Variants in AUTS2 observed in about 807,000 individuals in gnomAD.
AUTS2 encodes the protein activator of transcription and developmental regulator AUTS2.
A neutral mutation model predicts 112.4 loss-of-function variants in AUTS2; 17 were observed. The ratio of observed to expected loss-of-function variants is 0.15; its 90% CI spans 0.10 to 0.23. AUTS2 has a LOEUF of 0.23. AUTS2 is among the 10% of genes least tolerant of loss of function. The pLI, the probability that AUTS2 is intolerant of heterozygous loss-of-function variation, is 1.00. For missense variants in AUTS2, 1,510 were observed against 1,701.6 expected (o/e 0.89, Z 1.98); for synonymous variants, 751 against 702.7 (o/e 1.07, Z -1.09).
intron 2 of AUTS2, among the ~76,000 whole-genome samples, chr7:70,089,117 A>AT (rs1803773728): frequency 6.6e-6 from 1 of 152,098 alleles, no homozygotes; most frequent in South Asian, 2.1e-4. Flanking sequence ...GCATAATAGT[A>AT]TTTTTTAAGT....
intron 5 of AUTS2, among the ~76,000 whole-genome samples, chr7:70,665,933 A>G (rs1309071405): frequency 6.6e-6 from 1 of 152,232 alleles, no homozygotes; most frequent in African/African-American, 2.4e-5. Context: ...CAACATTACC[A>G]GCTTTCCCAG....
At chr7:70,659,793 A>C (rs942973502) in intron 5 of AUTS2, among the ~76,000 whole-genome samples, 2 of 152,056 alleles carry the variant, frequency 1.3e-5, no homozygotes, top group African/African-American at 4.8e-5. Flanking sequence ...CAGTACTGTG[A>C]AGGGAAAATA....
intron 1 of AUTS2, among the ~76,000 whole-genome samples, chr7:69,808,023 GCAGTTCTCCTACCT>G (rs1221414385): frequency 1.4e-5 from 2 of 146,624 alleles, no homozygotes; most frequent in Admixed American, 7.2e-5. Context: ...CCAGGTTCAA[GCAGTTCTCCTACCT>G]CAGCCTCCGG....
chr7:70,283,311 C>T (rs530799934), intron 4 of AUTS2, among the ~76,000 whole-genome samples: 2 of 152,224 alleles, frequency 1.3e-5, no homozygotes, highest in East Asian at 1.9e-4. Context: ...CTTCTCTGCA[C>T]CATTAAAAGA....
intron 1 of AUTS2, among the ~76,000 whole-genome samples, chr7:69,896,197 A>G (rs1179609409): frequency 6.6e-6 from 1 of 152,210 alleles, no homozygotes; most frequent in African/African-American, 2.4e-5. Flanking sequence ...ACACTGGACA[A>G]AGGAATTCAA....
intron 4 of AUTS2, among the ~76,000 whole-genome samples, chr7:70,192,666 C>T (rs945662955): frequency 7.9e-5 from 12 of 152,142 alleles, no homozygotes; most frequent in Admixed American, 7.9e-4. Flanking sequence ...TGTGTAAACT[C>T]TCACTTTCTC....
At chr7:70,391,303 C>G (rs1306536460) in intron 4 of AUTS2, among the ~76,000 whole-genome samples, 1 of 152,140 alleles carries the variant, frequency 6.6e-6, no homozygotes, top group African/African-American at 2.4e-5. Flanking sequence ...AATATTGAGG[C>G]CATTTCTTTG....
At chr7:70,326,309 C>G (rs1179137468) in intron 4 of AUTS2, among the ~76,000 whole-genome samples, 1 of 152,208 alleles carries the variant, frequency 6.6e-6, no homozygotes, top group Non-Finnish European at 1.5e-5. Flanking sequence ...CTCCACTTCT[C>G]CCAAGGCAGC....
At chr7:69,647,027 G>C (rs373510565) in intron 1 of AUTS2, among the ~76,000 whole-genome samples, 1 of 152,328 alleles carries the variant, frequency 6.6e-6, no homozygotes, top group Non-Finnish European at 1.5e-5. Context: ...GGCGGAGCTT[G>C]CAGTGAGCCG....
At chr7:69,628,621 T>C (rs533011204) in intron 1 of AUTS2, among the ~76,000 whole-genome samples, 2 of 152,190 alleles carry the variant, frequency 1.3e-5, no homozygotes, top group South Asian at 4.2e-4. Context: ...GAAACTTACA[T>C]GGTGAAAGTT....
intron 1 of AUTS2, among the ~76,000 whole-genome samples, chr7:69,614,733 C>T (rs1793273151): frequency 6.6e-6 from 1 of 152,074 alleles, no homozygotes; most frequent in Admixed American, 6.6e-5. Context: ...CTTCTCCTGC[C>T]TTCACCTCCC....
intron 2 of AUTS2, among the ~76,000 whole-genome samples, chr7:69,900,656 A>C (rs982036406): frequency 6.6e-6 from 1 of 152,230 alleles, no homozygotes; most frequent in African/African-American, 2.4e-5. Flanking sequence ...GGAAAGATCA[A>C]AAGCCTCAAT....
intron 5 of AUTS2, among the ~76,000 whole-genome samples, chr7:70,439,833 G>A (rs183479903): frequency 1.1e-3 from 162 of 152,192 alleles, no homozygotes; most frequent in African/African-American, 3.4e-3. Flanking sequence ...GAAATATCCC[G>A]TTTGGTTATG....
chr7:69,971,329 C>T (rs919378925), intron 2 of AUTS2, among the ~76,000 whole-genome samples: 6 of 152,106 alleles, frequency 3.9e-5, no homozygotes, highest in African/African-American at 1.4e-4. Flanking sequence ...ATTGTTTTCT[C>T]ATCTATTAAA....
intron 4 of AUTS2, among the ~76,000 whole-genome samples, chr7:70,407,428 C>T (rs559660508): frequency 6.6e-6 from 1 of 152,236 alleles, no homozygotes; most frequent in African/African-American, 2.4e-5. Flanking sequence ...TCTTAAAAAG[C>T]AGCATAACAA....
intron 5 of AUTS2, among the ~76,000 whole-genome samples, chr7:70,487,350 G>A (rs1000193618): frequency 6.6e-6 from 1 of 152,162 alleles, no homozygotes; most frequent in East Asian, 1.9e-4. Flanking sequence ...ATGCTAAAGT[G>A]TTCCCTTCAG....
At chr7:70,161,790 G>A (rs1808087434) in intron 4 of AUTS2, among the ~76,000 whole-genome samples, 1 of 151,948 alleles carries the variant, frequency 6.6e-6, no homozygotes, top group African/African-American at 2.4e-5. Context: ...GCCCCAGTGG[G>A]TAACACTCCA....
chr7:69,723,535 G>C (rs919703754), intron 1 of AUTS2, among the ~76,000 whole-genome samples: 8 of 152,124 alleles, frequency 5.3e-5, no homozygotes, highest in African/African-American at 1.9e-4. Context: ...GGAAGATACT[G>C]TATCTTCCCA....
chr7:70,486,580 C>CA (rs1798009124), intron 5 of AUTS2, among the ~76,000 whole-genome samples: 1 of 151,860 alleles, frequency 6.6e-6, no homozygotes, highest in Non-Finnish European at 1.5e-5. Context: ...TACTAAAAAA[C>CA]AAAAAACAAA....
Sources: allele counts gnomAD v4.1 joint callset (sites outside exome capture counted in the v4.1 genomes callset), GRCh38; gene constraint gnomAD v4.1.1; transcripts MANE v1.5; gene names NCBI Gene and HGNC (gene_info 2026-07-23, HGNC 2026-07-21).